The following SLC6A15 variants were observed in gnomAD, a reference collection of about 807,000 sequenced individuals.
SLC6A15 encodes the protein solute carrier family 6 member 15.
A neutral mutation model predicts 68.5 loss-of-function variants in SLC6A15; 33 were observed. The observed-to-expected ratio is 0.48, with a 90% CI of 0.37 to 0.64. The LOEUF is 0.64. Ranked by LOEUF, SLC6A15 falls within the 30% of genes least tolerant of loss-of-function variation. The probability of loss-of-function intolerance (pLI) is 0.00; values close to 1 mark genes in which losing one functional copy is unlikely to be tolerated. For missense variants in SLC6A15, 747 were observed against 874.3 expected, an observed-to-expected ratio of 0.85 and a Z score of 1.84; for synonymous variants, 347 against 301.0, an observed-to-expected ratio of 1.15 and a Z score of -1.58.
chr12:84,873,099 T>C lies in SLC6A15; in HGVS notation c.1097A>G (p.Lys366Arg), dbSNP rs780346815. 1 of 1,614,052 alleles carries C rather than the reference T, an allele frequency of 6.2e-7. No homozygotes were observed. The highest frequency in any genetic ancestry group is 1.1e-5 in the South Asian group (1 of 91,064). The part of the protein sequence containing the change: ...LGFKANVINE[K>R]CITQNSETIM... The stretch of plus-strand genomic sequence containing the variant: ...TTAATATTCATACTGTGTAATGCAT[T>C]TCTCATTTATGACATTTGCTTTGAA... The change falls in exon 7 of 12, where the codon AAA becomes AGA. Residue 366 changes from lysine (K) to arginine (R), a missense_variant. Physicochemically the swap from Lys to Arg is conservative, Grantham distance 26. Transcript: ENST00000266682.
At chr12:84,864,136 AAGT>A (rs1387434517) in intron 10 of SLC6A15, among the ~76,000 whole-genome samples, 3 of 151,232 alleles carry the variant, frequency 2.0e-5, no homozygotes, top group Non-Finnish European at 3.0e-5. Flanking sequence ...TAATTAGTAA[AAGT>A]AATAATTCCT....
chr12:84,890,111 G>C (rs1469576181), intron 2 of SLC6A15, among the ~76,000 whole-genome samples: 3 of 152,140 alleles, frequency 2.0e-5, no homozygotes, highest in Non-Finnish European at 4.4e-5. Context: ...CTTTGGTACT[G>C]TAACAACCAT....
intron 2 of SLC6A15, among the ~76,000 whole-genome samples, chr12:84,889,861 T>A (rs1296551962): frequency 2.0e-5 from 3 of 152,204 alleles, no homozygotes; most frequent in Non-Finnish European, 4.4e-5. Context: ...GATCTGGAAG[T>A]CTCTATACTA....
At chr12:84,887,188 G>A (rs369759115) in intron 2 of SLC6A15, among the ~76,000 whole-genome samples, 1 of 152,064 alleles carries the variant, frequency 6.6e-6, no homozygotes, top group South Asian at 2.1e-4. Flanking sequence ...TAAATGTAAT[G>A]GTCTTACAAT....
chr12:84,867,443 C>T, intron 9 of SLC6A15: 1 of 246,496 alleles, frequency 4.1e-6, no homozygotes, highest in Non-Finnish European at 7.7e-6. Context: ...AACTCATTTA[C>T]CAAGTACAAT....
rs192597228 is a variant in SLC6A15, at chr12:84,894,640, T to G, written c.-188-2332A>C. 5.9e-3 allele frequency among the ~76,000 whole-genome samples: 899 copies of G among 152,210 alleles called. 11 individuals carry two copies. Among genetic ancestry groups the G allele is most frequent in the African/African-American group, 0.021 (859 of 41,538 alleles). ...ATCTCTTCTATACATTTATATTCTT[T>G]GGACAAAAAATACACACACAAAAAT... On this transcript the variant is annotated intron_variant, in intron 1 of 11. Transcript: ENST00000266682.
intron 1 of SLC6A15, among the ~76,000 whole-genome samples, chr12:84,904,224 G>GGAGAGAAAGAGAGAGA (rs1555183259): frequency 1.6e-5 from 2 of 122,014 alleles, no homozygotes; most frequent in African/African-American, 3.6e-5. Flanking sequence ...GGGCGGAGGG[G>GGAGAGAAAGAGAGAGA]GAGAGAGAGA....
intron 5 of SLC6A15, chr12:84,882,224 T>C (rs1871851905): frequency 2.0e-6 from 2 of 985,234 alleles, no homozygotes; most frequent in South Asian, 4.7e-5. Context: ...CCAAATGATA[T>C]TATGTTAGGA....
At chr12:84,906,443 T>G (rs1283487056) in intron 1 of SLC6A15, among the ~76,000 whole-genome samples, 1 of 152,184 alleles carries the variant, frequency 6.6e-6, no homozygotes, top group Non-Finnish European at 1.5e-5. Flanking sequence ...ATTTCAAAAT[T>G]TATATGAACA....
At chr12:84,889,409 G>T (rs1872276927) in intron 2 of SLC6A15, among the ~76,000 whole-genome samples, 1 of 151,498 alleles carries the variant, frequency 6.6e-6, no homozygotes, top group East Asian at 1.9e-4. Context: ...AGAATGGCAT[G>T]AACCCGGGAG....
At chr12:84,883,030 A>C in intron 5 of SLC6A15, 1 of 985,270 alleles carries the variant, frequency 1.0e-6, no homozygotes, top group Non-Finnish European at 1.2e-6. Context: ...AATCAGTTAT[A>C]CTTTGAAAAG....
In SLC6A15 at chr12:84,862,009, G is replaced by C; in HGVS notation, c.1819-3C>G. ...TAGCTCAGAAATTCTTCAGATGCCT[G>C]TTAAAGAAGAAAATAATAATTATTA... On this transcript the variant is annotated splice_region_variant and splice_polypyrimidine_tract_variant and intron_variant, in intron 11 of 11. Transcript: ENST00000266682. The C allele has an allele frequency of 6.4e-7, 1 of 1,566,770 alleles. No individual in the cohort carries two copies. Among genetic ancestry groups the C allele is most frequent in the Non-Finnish European group, 8.6e-7 (1 of 1,161,826 alleles).
chr12:84,869,399 T>C (rs1166946386), intron 9 of SLC6A15, among the ~76,000 whole-genome samples: 4 of 146,552 alleles, frequency 2.7e-5, no homozygotes, highest in Admixed American at 7.1e-5. Flanking sequence ...GAGGCGGAGC[T>C]TGCAGTGAGC....
At chr12:84,882,835 C>T (rs1329255073) in intron 5 of SLC6A15, 1 of 299,754 alleles carries the variant, frequency 3.3e-6, no homozygotes, top group Non-Finnish European at 4.9e-6. Flanking sequence ...GTACCCAAAG[C>T]AAAATACATT....
At chr12:84,879,512 G>A (rs1182571820) in intron 5 of SLC6A15, among the ~76,000 whole-genome samples, 2 of 151,548 alleles carry the variant, frequency 1.3e-5, no homozygotes, top group African/African-American at 4.8e-5. Flanking sequence ...TTTTAGTAGA[G>A]ACGGAGTTTC....
chr12:84,875,699 T>TATAATA (rs1565723353), intron 6 of SLC6A15, among the ~76,000 whole-genome samples: 1 of 13,954 alleles, frequency 7.2e-5, no homozygotes. Context: ...TATATATATA[T>TATAATA]GAGAATCAAA....
chr12:84,877,134 C>T (rs1015198912), intron 5 of SLC6A15, among the ~76,000 whole-genome samples: 4 of 152,142 alleles, frequency 2.6e-5, no homozygotes, highest in Non-Finnish European at 5.9e-5. Context: ...TTAAACAGTT[C>T]AGCAAATATT....
intron 1 of SLC6A15, among the ~76,000 whole-genome samples, chr12:84,904,351 A>T (rs1175343149): frequency 6.6e-6 from 1 of 152,168 alleles, no homozygotes; most frequent in Non-Finnish European, 1.5e-5. Context: ...CACACCAATT[A>T]GAGCAAATGA....
intron 3 of SLC6A15, among the ~76,000 whole-genome samples, 158 bp downstream of exon 3, chr12:84,885,753 T>C (rs1043977141): frequency 2.6e-5 from 4 of 152,240 alleles, no homozygotes; most frequent in Admixed American, 2.0e-4. Context: ...CATTGAGCTA[T>C]ATTAATATTT....
Sources: allele counts gnomAD v4.1 joint callset (sites outside exome capture counted in the v4.1 genomes callset), GRCh38; gene constraint gnomAD v4.1.1; transcripts MANE v1.5; gene names NCBI Gene and HGNC (gene_info 2026-07-23, HGNC 2026-07-21).